ENOX1: variants seen among roughly 807,000 people sequenced by gnomAD.
The protein encoded by ENOX1 is ecto-NOX disulfide-thiol exchanger 1, also known as candidate growth-related and time keeping constitutive hydroquinone (NADH) oxidase.
In ENOX1, 42 loss-of-function variants were observed where a neutral mutation model predicts 82.5. The observed-to-expected ratio is 0.51, with a 90% CI of 0.40 to 0.66. The LOEUF is 0.66. Among genes scored for constraint, ENOX1 ranks in the 30% least tolerant of loss-of-function variants. The probability of loss-of-function intolerance (pLI) is 0.00; values close to 1 mark genes in which losing one functional copy is unlikely to be tolerated. For synonymous variants in ENOX1, 271 were observed against 282.2 expected (o/e 0.96, Z 0.40); for missense variants, 608 against 811.6 (o/e 0.75, Z 3.05).
intron 2 of ENOX1, among the ~76,000 whole-genome samples, chr13:43,644,904 T>G (rs1277440758): frequency 6.6e-6 from 1 of 152,166 alleles, no homozygotes. Flanking sequence ...CTAAAAAACA[T>G]ATCTGGGTTT....
intron 8 of ENOX1, among the ~76,000 whole-genome samples, chr13:43,351,787 T>C (rs1329270683): frequency 6.6e-6 from 1 of 151,666 alleles, no homozygotes; most frequent in African/African-American, 2.4e-5. Context: ...TAGTATTCCA[T>C]GGTGTATATG....
chr13:43,656,793 A>C lies in ENOX1; in HGVS notation c.-219+10686T>G, dbSNP rs17064820. 2.9e-3 allele frequency among the ~76,000 whole-genome samples: 397 copies of C among 138,858 alleles called. 1 individual carries two copies. Among genetic ancestry groups the C allele is most frequent in the African/African-American group, 1.0e-2 (379 of 37,918 alleles). The allele number at this position is 138,858 out of a possible 152,430, so 91.1% of individuals were successfully genotyped here. On this transcript the variant is annotated intron_variant, in intron 2 of 16. Transcript: ENST00000690772. ...GTGTGTTCTCTGCTATGTATTCTCA[A>C]GCGCCTTTCTATTTTTTTTCAGCTA...
At chr13:43,771,441 G>T (rs2153837150) in intron 1 of ENOX1, among the ~76,000 whole-genome samples, 1 of 152,224 alleles carries the variant, frequency 6.6e-6, no homozygotes, top group South Asian at 2.1e-4. Context: ...AAGGAAATTA[G>T]AAGACTAGAT....
Position 43,779,967 on chromosome 13 carries a change from C to T in ENOX1, c.-285+6685G>A, listed in dbSNP as rs144085039. ...GTCAGGAGATCGAGACCATCCTGGC[C>T]AACACAGTGAAACCCCATCTCTACT... On this transcript the variant is annotated intron_variant, in intron 1 of 16. Coordinates refer to ENST00000690772, the MANE Select transcript of ENOX1 (RefSeq NM_001347969.2). 2.9e-3 allele frequency among the ~76,000 whole-genome samples: 446 copies of T among 152,078 alleles called. 4 individuals are homozygous for T. Among genetic ancestry groups the T allele is most frequent in the East Asian group, 0.022 (112 of 5,160 alleles).
intron 1 of ENOX1, among the ~76,000 whole-genome samples, chr13:43,709,032 T>C (rs887704474): frequency 3.6e-4 from 55 of 152,096 alleles, no homozygotes; most frequent in African/African-American, 1.3e-3. Context: ...AAGAAAATAT[T>C]TAAAATACAC....
chr13:43,453,229 C>T (rs1215477793), intron 3 of ENOX1, among the ~76,000 whole-genome samples: 2 of 152,148 alleles, frequency 1.3e-5, no homozygotes, highest in Non-Finnish European at 2.9e-5. Flanking sequence ...AACATCAGTG[C>T]CAGGCTACCT....
rs777049635 is a variant in ENOX1 at position 43,359,917 on chromosome 13, T to A, written c.523A>T (p.Lys175Ter). 6.2e-7 allele frequency: 1 copy of A among 1,614,134 alleles called. No individual in the cohort carries two copies. Among genetic ancestry groups the A allele is most frequent in the African/African-American group, 1.3e-5 (1 of 74,944 alleles). The stretch of plus-strand genomic sequence containing the variant: ...AAGCGAATGTGACAAAAATTCTTCT[T>A]GCTTTTCCGAATTGCTGTAATATCA... Reference protein sequence around the residue: ...CGDITAIRKSKKNFCHIRFAE... With the variant: ...CGDITAIRKS The change falls in exon 7 of 17, where the codon AAG becomes TAG. Residue 175 changes from lysine (K) to a stop codon, truncating the protein, a stop_gained. Transcript: ENST00000690772. LOFTEE classifies it high-confidence loss of function.
intron 1 of ENOX1, among the ~76,000 whole-genome samples, chr13:43,729,416 G>A (rs893231969): frequency 5.9e-5 from 9 of 151,812 alleles, no homozygotes; most frequent in Non-Finnish European, 1.0e-4. Flanking sequence ...AACACAAGTA[G>A]CACAGGAAAC....
intron 1 of ENOX1, among the ~76,000 whole-genome samples, chr13:43,710,269 A>G (rs2087601374): frequency 6.6e-6 from 1 of 152,176 alleles, no homozygotes; most frequent in Non-Finnish European, 1.5e-5. Flanking sequence ...CTATGTCTGG[A>G]TAACATATTT....
intron 2 of ENOX1, among the ~76,000 whole-genome samples, chr13:43,573,801 T>A (rs1219733566): frequency 6.6e-6 from 1 of 152,206 alleles, no homozygotes; most frequent in African/African-American, 2.4e-5. Flanking sequence ...GTGAATTCAG[T>A]TGCTTGATCT....
At chr13:43,410,118 C>T (rs377652895) in intron 5 of ENOX1, among the ~76,000 whole-genome samples, 12 of 152,192 alleles carry the variant, frequency 7.9e-5, no homozygotes, top group East Asian at 7.7e-4. Flanking sequence ...ATGGTTAAAA[C>T]GTCAGAAGAC....
At chr13:43,546,544 A>C (rs2078981525) in intron 2 of ENOX1, 1 of 152,162 alleles carries the variant, frequency 6.6e-6, no homozygotes, top group African/African-American at 2.4e-5. Context: ...CTGCAATCAA[A>C]TAAATCTCCT....
At chr13:43,749,139 C>T (rs879926328) in intron 1 of ENOX1, among the ~76,000 whole-genome samples, 3 of 152,150 alleles carry the variant, frequency 2.0e-5, no homozygotes, top group Non-Finnish European at 2.9e-5. Flanking sequence ...AATAGTTTCA[C>T]GTCAAGTTAC....
At chr13:43,266,298 A>G (rs2044366132) in intron 13 of ENOX1, among the ~76,000 whole-genome samples, 1 of 152,174 alleles carries the variant, frequency 6.6e-6, no homozygotes, top group African/African-American at 2.4e-5. Context: ...GTAGGAAAAA[A>G]TACTTAAGAT....
chr13:43,584,271 C>A (rs1355404865), intron 2 of ENOX1, among the ~76,000 whole-genome samples: 1 of 152,186 alleles, frequency 6.6e-6, no homozygotes, highest in Non-Finnish European at 1.5e-5. Flanking sequence ...GGTTTGGAAG[C>A]AAGTATTTCA....
At chr13:43,755,232 A>G (rs986225738) in intron 1 of ENOX1, among the ~76,000 whole-genome samples, 1 of 152,226 alleles carries the variant, frequency 6.6e-6, no homozygotes, top group Non-Finnish European at 1.5e-5. Flanking sequence ...CCACATCTCC[A>G]TATGACCATC....
intron 2 of ENOX1, among the ~76,000 whole-genome samples, chr13:43,506,989 A>T (rs1342033640): frequency 1.3e-5 from 2 of 151,736 alleles, no homozygotes; most frequent in Non-Finnish European, 2.9e-5. Context: ...AGTATAATAA[A>T]AAAAAACCCT....
chr13:43,505,128 C>T (rs1268477295), intron 2 of ENOX1, among the ~76,000 whole-genome samples: 3 of 151,762 alleles, frequency 2.0e-5, no homozygotes, highest in Non-Finnish European at 2.9e-5. Context: ...TGTAAAGAGA[C>T]ATGAGATTTA....
chr13:43,402,764 G>A (rs2053568947), intron 5 of ENOX1, among the ~76,000 whole-genome samples: 1 of 152,146 alleles, frequency 6.6e-6, no homozygotes, highest in African/African-American at 2.4e-5. Context: ...TAATTCACAT[G>A]CATGCACACA....
Sources: allele counts gnomAD v4.1 joint callset (sites outside exome capture counted in the v4.1 genomes callset), GRCh38; gene constraint gnomAD v4.1.1; transcripts MANE v1.5; gene names NCBI Gene and HGNC (gene_info 2026-07-23, HGNC 2026-07-21).